AXL: variants seen among roughly 807,000 people sequenced by gnomAD.
AXL encodes the protein AXL receptor tyrosine kinase.
AXL carries 52 observed loss-of-function variants against 104.5 expected under a neutral mutation model. The ratio of observed to expected loss-of-function variants is 0.50; its 90% CI spans 0.40 to 0.63. The LOEUF (loss-of-function observed/expected upper bound fraction) is 0.63. Ranked by LOEUF, AXL falls within the 20% of genes least tolerant of loss-of-function variation. The pLI, the probability that AXL is intolerant of heterozygous loss-of-function variation, is 0.00. For missense variants in AXL, 1,024 were observed against 1,188.5 expected (o/e 0.86, Z 2.04); for synonymous variants, 455 against 473.7 (o/e 0.96, Z 0.51).
Position 41,246,685 on chromosome 19 carries a change from AGCCTAG to A in AXL, c.1538-1826_1538-1821del, listed in dbSNP as rs200421249. 7.2e-3 allele frequency among the ~76,000 whole-genome samples: 1,098 copies of A among 152,222 alleles called. 6 individuals are homozygous for A. Among genetic ancestry groups the A allele is most frequent in the African/African-American group, 0.024 (996 of 41,534 alleles). On this transcript the variant is annotated intron_variant, in intron 12 of 19. Coordinates refer to ENST00000301178, the MANE Select transcript of AXL (RefSeq NM_021913.5). The stretch of plus-strand genomic sequence containing the variant: ...AGCTGAGATTATGCTACTGCACTCT[AGCCTAG>A]GCAACAGAGCGAGACTCGGTTTCAA...
Position 41,221,211 on chromosome 19 carries a change from CCTT to C in AXL, c.376_378del (p.Phe126del). On this transcript the variant is annotated inframe_deletion, in exon 3 of 20. Coordinates refer to ENST00000301178, the MANE Select transcript of AXL (RefSeq NM_021913.5). ...TGTTTGGTGTTTCTGGGACATCAGA[CCTT>C]CGTGTCCCAGCCTGGCTATGTTGGG... 2 of 1,614,014 alleles carry C rather than the reference CCTT, an allele frequency of 1.2e-6. No individual in the cohort carries two copies. The highest frequency in any genetic ancestry group is 1.7e-6 in the Non-Finnish European group (2 of 1,179,992).
intron 4 of AXL, among the ~76,000 whole-genome samples, chr19:41,223,645 A>C (rs1259386224): frequency 6.6e-6 from 1 of 152,124 alleles, no homozygotes; most frequent in African/African-American, 2.4e-5. Context: ...CATTCTCAGC[A>C]TTCCTGGGAC....
At chr19:41,248,697 C>T (rs753557547) in intron 13 of AXL, 46 bp from the exon 14 acceptor site, 2 of 1,612,308 alleles carry the variant, frequency 1.2e-6, no homozygotes, top group Non-Finnish European at 8.5e-7. Context: ...GAAATACAGT[C>T]CCCACGGGCC....
chr19:41,258,113 CTT>C (rs2034482850), intron 19 of AXL, among the ~76,000 whole-genome samples: 1 of 152,216 alleles, frequency 6.6e-6, no homozygotes, highest in South Asian at 2.1e-4. Flanking sequence ...GCTTACCAAA[CTT>C]TGCAATATTG....
intron 6 of AXL, among the ~76,000 whole-genome samples, chr19:41,234,263 G>A (rs914263622): frequency 3.3e-5 from 5 of 152,108 alleles, no homozygotes; most frequent in Admixed American, 1.3e-4. Context: ...GTGGTAGTGC[G>A]AAGTCAATGA....
At chr19:41,252,007 G>A (rs1381939499) in intron 14 of AXL, among the ~76,000 whole-genome samples, 9 of 151,058 alleles carry the variant, frequency 6.0e-5, no homozygotes, top group African/African-American at 2.2e-4. Context: ...CAGCTACTCA[G>A]GAGGCTGAGG....
intron 1 of AXL, 169 bp from the exon 2 acceptor site, chr19:41,220,467 C>T (rs2122194778): frequency 1.6e-6 from 1 of 613,808 alleles, no homozygotes; most frequent in Non-Finnish European, 2.9e-6. Context: ...CTCCCGTCCT[C>T]CTCTCAGAGC....
chr19:41,221,748 G>T, intron 3 of AXL, 132 bp from the exon 4 acceptor site: 1 of 970,778 alleles, frequency 1.0e-6, no homozygotes, highest in Non-Finnish European at 1.5e-6. Flanking sequence ...GGTGCCCTCG[G>T]GGATCAGATA....
In AXL at chr19:41,231,037, C is replaced by A; in HGVS notation, c.657C>A (p.Ala219=). 6.2e-7 allele frequency: 1 copy of A among 1,613,994 alleles called. No individual in the cohort carries two copies. The highest frequency in any genetic ancestry group is 1.1e-5 in the South Asian group (1 of 91,086). The change falls in exon 5 of 20, where the codon GCC becomes GCA. Residue 219 remains alanine (A), a synonymous_variant. Transcript: ENST00000301178. ...NAKGVTTSRT[A]TITVLPQQPR... ...AGGGGGTCACCACATCCCGCACAGC[C>A]ACCATCACAGGTGACAGAGTTGGGA...
intron 10 of AXL, among the ~76,000 whole-genome samples, chr19:41,240,307 T>C (rs1257729143): frequency 6.6e-6 from 1 of 151,096 alleles, no homozygotes; most frequent in Non-Finnish European, 1.5e-5. Context: ...AATGGATTAA[T>C]AGATGGGTGG....
intron 12 of AXL, among the ~76,000 whole-genome samples, chr19:41,247,179 G>A (rs1426136173): frequency 6.6e-6 from 1 of 152,204 alleles, no homozygotes; most frequent in African/African-American, 2.4e-5. Flanking sequence ...TTCTGTTCTT[G>A]GCCTGAGTGC....
In AXL at chr19:41,257,498, C is replaced by A; in HGVS notation, c.2202C>A (p.Ser734=). 6.2e-7 allele frequency: 1 copy of A among 1,614,124 alleles called. No individual in the cohort carries two copies. Among genetic ancestry groups the A allele is most frequent in the Non-Finnish European group, 8.5e-7 (1 of 1,180,012 alleles). ...RVYTSKSDVW[S]FGVTMWEIAT... ...ATTCCCTCTGCCCCTCACAGTGGTCCTTCGGGGTGACAATGTGGGAGATTG... is the reference window on the plus strand; with the variant it reads ...ATTCCCTCTGCCCCTCACAGTGGTCATTCGGGGTGACAATGTGGGAGATTG... Residue 734 remains serine, a synonymous_variant, in exon 19 of 20, where the codon TCC becomes TCA. Coordinates refer to ENST00000301178, the MANE Select transcript of AXL (RefSeq NM_021913.5).
intron 4 of AXL, among the ~76,000 whole-genome samples, chr19:41,230,173 CTGTG>C (rs1018381813): frequency 2.0e-5 from 3 of 149,066 alleles, no homozygotes; most frequent in Non-Finnish European, 4.5e-5. Context: ...GTGTCTGTGT[CTGTG>C]TGTGAGCATA....
At chr19:41,219,614 C>T (rs2033748612) in intron 1 of AXL, 137 bp downstream of exon 1, 6 of 966,014 alleles carry the variant, frequency 6.2e-6, no homozygotes, top group Admixed American at 2.4e-5. Context: ...AAAGGGACTT[C>T]AAGGGAGGGA....
At chr19:41,227,146 T>TTG (rs143544452) in intron 4 of AXL, among the ~76,000 whole-genome samples, 6 of 151,866 alleles carry the variant, frequency 4.0e-5, no homozygotes, top group South Asian at 4.2e-4. Flanking sequence ...AGCGCAGACA[T>TTG]TGTGTGTGTG....
Position 41,253,737 on chromosome 19 carries a change from C to G in AXL, c.2036+29C>G, listed in dbSNP as rs565796552. The G allele has an allele frequency of 5.0e-4, 625 of 1,252,166 alleles. 1 individual carries two copies. The highest frequency in any genetic ancestry group is 1.0e-3 in the Admixed American group (51 of 50,898). 77.6% of individuals were successfully genotyped at this position (1,252,166 alleles called of 1,614,324 possible). A position where few individuals can be genotyped will look rare whatever the true frequency, so the allele number is the denominator to read the frequency against. On this transcript the variant is annotated intron_variant, in intron 17 of 19. Transcript: ENST00000301178. ...AGTGCCTTTCAGGGACCCCCCCCCC[C>G]CAACTGCTCCTGCACTCCCTGAGGG...
At position 41,219,446 on chromosome 19, in the gene AXL, G is replaced by C; in HGVS notation, c.54G>C (p.Ala18=). ...GGGTCCCGCTGGCCTGGTGCTTGGCGCTGTGCGGCTGGGCGTGCATGGCCC... is the reference window on the plus strand; with the variant it reads ...GGGTCCCGCTGGCCTGGTGCTTGGCCCTGTGCGGCTGGGCGTGCATGGCCC... The part of the protein sequence containing the change: ...MGRVPLAWCL[A]LCGWACMAPR... Residue 18 remains alanine (A), a synonymous_variant, in exon 1 of 20, where the codon GCG becomes GCC. Transcript: ENST00000301178. 1 of 1,606,868 alleles carries C rather than the reference G, an allele frequency of 6.2e-7. No individual in the cohort carries two copies. Among genetic ancestry groups the C allele is most frequent in the Non-Finnish European group, 8.5e-7 (1 of 1,176,984 alleles).
chr19:41,238,377 G>A (rs1254589423), intron 7 of AXL, 93 bp from the exon 8 acceptor site: 1 of 1,557,530 alleles, frequency 6.4e-7, no homozygotes, highest in Non-Finnish European at 8.7e-7. Flanking sequence ...GCCCACGTGT[G>A]TGCCCTTGGC....
At chr19:41,230,293 A>T in intron 4 of AXL, among the ~76,000 whole-genome samples, 1 of 131,184 alleles carries the variant, frequency 7.6e-6, no homozygotes, top group Non-Finnish European at 1.6e-5. Flanking sequence ...TGTGTGTATG[A>T]GTATGTATCT....
Sources: gnomAD v4.1 joint callset for allele counts (sites outside exome capture counted in the v4.1 genomes callset) on GRCh38, gnomAD v4.1.1 for gene constraint, MANE v1.5 for transcripts, NCBI Gene and HGNC (gene_info 2026-07-23, HGNC 2026-07-21) for gene names.